Variants in MPZL1 observed in about 807,000 individuals in gnomAD.
MPZL1 encodes the protein myelin protein zero like 1.
MPZL1 carries 16 observed loss-of-function variants against 29.3 expected under a neutral mutation model. The observed-to-expected ratio is 0.55, with a 90% CI of 0.37 to 0.83. The LOEUF is 0.83. Among genes scored for constraint, MPZL1 ranks in the 40% least tolerant of loss-of-function variants. The probability of loss-of-function intolerance (pLI) is 0.00; values close to 1 mark genes in which losing one functional copy is unlikely to be tolerated. For missense variants in MPZL1, 279 were observed against 332.9 expected (o/e 0.84, Z 1.26); for synonymous variants, 143 against 132.0 (o/e 1.08, Z -0.57).
intron 5 of MPZL1, among the ~76,000 whole-genome samples, chr1:167,779,609 C>T (rs978911757): frequency 6.6e-6 from 1 of 151,774 alleles, no homozygotes; most frequent in Non-Finnish European, 1.5e-5. Context: ...TGACTCTTTA[C>T]AGCAAAAATA....
intron 1 of MPZL1, among the ~76,000 whole-genome samples, chr1:167,753,907 G>A (rs1473353181): frequency 6.6e-6 from 1 of 152,068 alleles, no homozygotes; most frequent in African/African-American, 2.4e-5. Context: ...TGGGATTACA[G>A]GTGTGAGCCA....
intron 1 of MPZL1, among the ~76,000 whole-genome samples, chr1:167,731,597 C>T (rs1462631859): frequency 3.3e-5 from 5 of 151,934 alleles, no homozygotes; most frequent in African/African-American, 9.7e-5. Context: ...CCACCACACC[C>T]GGCTAATTTT....
At chr1:167,740,377 C>G (rs1226481418) in intron 1 of MPZL1, among the ~76,000 whole-genome samples, 1 of 152,214 alleles carries the variant, frequency 6.6e-6, no homozygotes, top group Non-Finnish European at 1.5e-5. Flanking sequence ...ATTGAAACTT[C>G]TCCTATCAGG....
At chr1:167,744,808 C>T (rs1660611258) in intron 1 of MPZL1, among the ~76,000 whole-genome samples, 1 of 151,672 alleles carries the variant, frequency 6.6e-6, no homozygotes, top group Admixed American at 6.6e-5. Context: ...CCACTTGTTT[C>T]GTTAAATTTA....
chr1:167,757,984 T>C (rs1441616193), intron 1 of MPZL1, among the ~76,000 whole-genome samples: 1 of 152,006 alleles, frequency 6.6e-6, no homozygotes, highest in Admixed American at 6.6e-5. Flanking sequence ...ACCCTGTCTC[T>C]ACTTAAAAAA....
chr1:167,752,856 G>T (rs1292720467), intron 1 of MPZL1, among the ~76,000 whole-genome samples: 1 of 152,140 alleles, frequency 6.6e-6, no homozygotes, highest in Non-Finnish European at 1.5e-5. Flanking sequence ...CACTTTACAG[G>T]AATCCAAAAA....
intron 1 of MPZL1, among the ~76,000 whole-genome samples, chr1:167,744,771 A>T (rs991067885): frequency 1.3e-5 from 2 of 151,662 alleles, no homozygotes; most frequent in Non-Finnish European, 2.9e-5. Flanking sequence ...AAAGTTATAG[A>T]CTCCAACAAC....
intron 1 of MPZL1, among the ~76,000 whole-genome samples, chr1:167,733,894 C>A (rs1161556727): frequency 1.3e-5 from 2 of 150,246 alleles, no homozygotes; most frequent in African/African-American, 2.5e-5. Flanking sequence ...CAGAGCAAGA[C>A]CCTGTTTAAA....
At chr1:167,784,531 T>A (rs1349020527) in intron 5 of MPZL1, among the ~76,000 whole-genome samples, 1 of 152,192 alleles carries the variant, frequency 6.6e-6, no homozygotes, top group Non-Finnish European at 1.5e-5. Flanking sequence ...CCTCTTGAAG[T>A]CCTGAGCAGC....
At chr1:167,771,884 G>A (rs564691649) in intron 2 of MPZL1, among the ~76,000 whole-genome samples, 1 of 152,302 alleles carries the variant, frequency 6.6e-6, no homozygotes, top group Non-Finnish European at 1.5e-5. Flanking sequence ...AGCACCTTGG[G>A]AGGCTGAGGC....
chr1:167,724,053 G>A (rs991484886), intron 1 of MPZL1, among the ~76,000 whole-genome samples: 4 of 152,222 alleles, frequency 2.6e-5, no homozygotes, highest in East Asian at 1.9e-4. Flanking sequence ...CCTTTTCCTC[G>A]CAAGCAGCTG....
intron 1 of MPZL1, among the ~76,000 whole-genome samples, chr1:167,751,090 C>T (rs1660745529): frequency 6.6e-6 from 1 of 152,138 alleles, no homozygotes; most frequent in South Asian, 2.1e-4. Context: ...TGACTTTGAT[C>T]CTTGGTTAAG....
rs935895566 is a variant in MPZL1 at position 167,789,721 on chromosome 1, G to T, written c.*1800G>T. ...CACCACACATGTCTGAAGCTGGGCA[G>T]CGTCTGCTCTGTGTTCTGTGTGGAA... is the stretch of plus-strand genomic sequence containing the variant. On this transcript the variant is annotated 3_prime_UTR_variant, in exon 6 of 6. Transcript: ENST00000359523. The T allele has an allele frequency of 6.6e-6, 1 of 152,182 alleles. No individual in the cohort carries two copies. Among genetic ancestry groups the T allele is most frequent in the Non-Finnish European group, 1.5e-5 (1 of 68,034 alleles). The allele number at this position is 152,182 out of a possible 1,614,324, so 9.4% of individuals were successfully genotyped here. A position where few individuals can be genotyped will look rare whatever the true frequency, so the allele number is the denominator to read the frequency against.
chr1:167,738,822 A>G (rs1235179095), intron 1 of MPZL1, among the ~76,000 whole-genome samples: 1 of 152,216 alleles, frequency 6.6e-6, no homozygotes, highest in Non-Finnish European at 1.5e-5. Context: ...AGCAAATGCC[A>G]GCATCATGCT....
chr1:167,736,181 C>T (rs1194128881), intron 1 of MPZL1, among the ~76,000 whole-genome samples: 2 of 152,186 alleles, frequency 1.3e-5, no homozygotes, highest in Non-Finnish European at 2.9e-5. Flanking sequence ...AAGTCTTCAT[C>T]CTCTGCCTGT....
At chr1:167,737,465 A>G (rs770644571) in intron 1 of MPZL1, among the ~76,000 whole-genome samples, 1 of 152,210 alleles carries the variant, frequency 6.6e-6, no homozygotes. Context: ...GTGTTCAATA[A>G]GATCGTAACG....
At chr1:167,762,027 A>T (rs1414974181) in intron 1 of MPZL1, among the ~76,000 whole-genome samples, 3 of 152,192 alleles carry the variant, frequency 2.0e-5, no homozygotes, top group African/African-American at 7.2e-5. Context: ...GTGGTCAATT[A>T]GGGAGTAGAG....
rs1412350307 is a variant in MPZL1, at chr1:167,779,174, G to A, written c.708+3008G>A. Among the ~76,000 whole-genome samples the A allele has an allele frequency of 4.6e-5, 7 of 151,516 alleles. 1 individual carries two copies. Among genetic ancestry groups the A allele is most frequent in the Non-Finnish European group, 8.8e-5 (6 of 67,832 alleles). ...GTGAACAGAGCTTCAGTGAGCCACC[G>A]GACAATATCAAGCAATCTAATTAGA... is the stretch of plus-strand genomic sequence containing the variant. On this transcript the variant is annotated intron_variant, in intron 5 of 5. Transcript: ENST00000359523.
chr1:167,765,762 G>T lies in MPZL1; in HGVS notation c.258+13G>T. Reference sequence around the variant, plus strand: ...CACTACTGTGTCGGTAAGAATGCTTGACTTCTCTTGGCTAGTCCTGCCTCA... The same window carrying T: ...CACTACTGTGTCGGTAAGAATGCTTTACTTCTCTTGGCTAGTCCTGCCTCA... On this transcript the variant is annotated intron_variant, in intron 2 of 5. Transcript: ENST00000359523. 2 of 1,584,200 alleles carry T rather than the reference G, an allele frequency of 1.3e-6. No homozygotes were observed. Among genetic ancestry groups the T allele is most frequent in the South Asian group, 2.3e-5 (2 of 85,876 alleles).
Sources: gnomAD v4.1 joint callset for allele counts (sites outside exome capture counted in the v4.1 genomes callset) on GRCh38, gnomAD v4.1.1 for gene constraint, MANE v1.5 for transcripts, NCBI Gene and HGNC (gene_info 2026-07-23, HGNC 2026-07-21) for gene names.